Variants in NALCN observed in about 807,000 individuals in gnomAD.
The protein encoded by NALCN is sodium leak channel, non-selective, also known as sodium leak channel NALCN.
NALCN carries 111 observed loss-of-function variants against 225.3 expected under a neutral mutation model. The observed-to-expected ratio is 0.49, with a 90% CI of 0.42 to 0.58. The LOEUF (loss-of-function observed/expected upper bound fraction) is 0.58. Among genes scored for constraint, NALCN ranks in the 20% least tolerant of loss-of-function variants. The pLI is 0.00. For missense variants in NALCN, 1,378 were observed against 2,202.4 expected, an observed-to-expected ratio of 0.63 and a Z score of 7.49; for synonymous variants, 764 against 769.0, an observed-to-expected ratio of 0.99 and a Z score of 0.11.
At chr13:101,103,755 C>A (rs1235877254) in intron 25 of NALCN, among the ~76,000 whole-genome samples, 1 of 152,156 alleles carries the variant, frequency 6.6e-6, no homozygotes, top group African/African-American at 2.4e-5. Context: ...TGATTTCATG[C>A]CTCCTTGGAC....
rs2139318765 is a variant in NALCN, at chr13:101,349,962, A to G, written c.645-4542T>C. On this transcript the variant is annotated intron_variant, in intron 6 of 43. Coordinates refer to ENST00000251127, the MANE Select transcript of NALCN (RefSeq NM_052867.4). Reference sequence around the variant, plus strand: ...GGAGCAAACTTGAAGTCTTAGAATCATGCTTGATACCTACTTCTCCCTCAA... The same window carrying G: ...GGAGCAAACTTGAAGTCTTAGAATCGTGCTTGATACCTACTTCTCCCTCAA... Among the ~76,000 whole-genome samples, 5 of 152,266 alleles carry G rather than the reference A, an allele frequency of 3.3e-5. No homozygotes were observed. In the East Asian group the frequency reaches 9.6e-4, roughly 29 times the overall value.
intron 17 of NALCN, among the ~76,000 whole-genome samples, chr13:101,125,380 T>TAATAAATAACTAG (rs2036183607): frequency 1.3e-5 from 2 of 152,228 alleles, no homozygotes; most frequent in South Asian, 4.1e-4. Flanking sequence ...AGATTCACAA[T>TAATAAATAACTAG]AATAAATAAC....
chr13:101,269,242 T>TATATATATA (rs1566509213), intron 10 of NALCN, among the ~76,000 whole-genome samples: 7 of 142,008 alleles, frequency 4.9e-5, no homozygotes, highest in Admixed American at 1.4e-4. Flanking sequence ...ATATATATAT[T>TATATATATA]TTAGCCTGGT....
intron 7 of NALCN, among the ~76,000 whole-genome samples, chr13:101,294,770 T>G (rs915384861): frequency 1.3e-5 from 2 of 152,212 alleles, no homozygotes; most frequent in South Asian, 4.1e-4. Context: ...ATAATATCTG[T>G]ATGCAGAAGT....
chr13:101,057,748 T>TGTAA lies in NALCN; in HGVS notation c.5023+187_5023+190dup, dbSNP rs564959680. 176 of 607,100 alleles carry TGTAA rather than the reference T, an allele frequency of 2.9e-4. 1 individual carries two copies. Among genetic ancestry groups the TGTAA allele is most frequent in the Non-Finnish European group, 4.7e-4 (160 of 337,900 alleles). 37.6% of individuals were successfully genotyped at this position (607,100 alleles called of 1,614,324 possible). On this transcript the variant is annotated intron_variant, in intron 43 of 43. Coordinates refer to ENST00000251127, the MANE Select transcript of NALCN (RefSeq NM_052867.4). ...AATGTACCCGGAAAATGGGGGCTAA[T>TGTAA]GTAAGTCATATTTAGAGAAGTTATT...
At chr13:101,097,280 A>G (rs73556612) in intron 27 of NALCN, among the ~76,000 whole-genome samples, 7,540 of 152,208 alleles carry the variant, frequency 0.05, 325 homozygotes, top group African/African-American at 0.12. Context: ...CTTTTTTCCT[A>G]TATGTATCTG....
chr13:101,165,630 C>T (rs769983016), intron 15 of NALCN, among the ~76,000 whole-genome samples: 7 of 152,254 alleles, frequency 4.6e-5, no homozygotes, highest in East Asian at 1.9e-4. Context: ...CCACCATGTC[C>T]GGCTAGGCTA....
At chr13:101,171,304 TAATA>T (rs2038703876) in intron 15 of NALCN, among the ~76,000 whole-genome samples, 1 of 148,852 alleles carries the variant, frequency 6.7e-6, no homozygotes, top group Non-Finnish European at 1.5e-5. Context: ...TCTTTATATT[TAATA>T]TATACATATA....
chr13:101,111,614 G>T (rs542978888), intron 18 of NALCN, among the ~76,000 whole-genome samples: 2 of 152,288 alleles, frequency 1.3e-5, no homozygotes, highest in South Asian at 4.1e-4. Context: ...CATGTGTCGT[G>T]GGAGGGACCC....
At chr13:101,171,430 C>T (rs9518322) in intron 15 of NALCN, among the ~76,000 whole-genome samples, 37,514 of 150,940 alleles carry the variant, frequency 0.25, 5,402 homozygotes, top group Non-Finnish European at 0.33. Flanking sequence ...TAGATATACA[C>T]ACACACACAT....
chr13:101,327,429 T>C (rs985712523), intron 7 of NALCN, among the ~76,000 whole-genome samples: 28 of 152,164 alleles, frequency 1.8e-4, no homozygotes, highest in African/African-American at 5.5e-4. Flanking sequence ...TTTTAAGCAA[T>C]TTCTTTAATC....
chr13:101,213,991 C>T (rs938406568), intron 13 of NALCN, among the ~76,000 whole-genome samples: 4 of 152,278 alleles, frequency 2.6e-5, no homozygotes, highest in African/African-American at 9.6e-5. Context: ...GACACATGCA[C>T]ACGTATGTTT....
At chr13:101,390,196 A>G (rs1402858690) in intron 3 of NALCN, among the ~76,000 whole-genome samples, 1 of 152,182 alleles carries the variant, frequency 6.6e-6, no homozygotes, top group Non-Finnish European at 1.5e-5. Flanking sequence ...AGAAATTTAA[A>G]CAAATAGAAG....
rs377249439 is a variant in NALCN at position 101,258,541 on chromosome 13, T to C, written c.1168A>G (p.Ile390Val). Reference sequence around the variant, plus strand: ...ACGTCCACGGTCACCATGCTCAGGATGAACATGTGGAAAACGGATGACCGC... The same window carrying C: ...ACGTCCACGGTCACCATGCTCAGGACGAACATGTGGAAAACGGATGACCGC... ...MMRSSVFHMF[I>V]LSMVTVDVIV... The change falls in exon 11 of 44, where the codon ATC becomes GTC. Residue 390 changes from isoleucine to valine, a missense_variant. Physicochemically the swap from Ile to Val is conservative, Grantham distance 29. Transcript: ENST00000251127. The C allele has an allele frequency of 1.2e-6, 2 of 1,614,142 alleles. No homozygotes were observed. Among genetic ancestry groups the C allele is most frequent in the East Asian group, 4.5e-5 (2 of 44,882 alleles).
At chr13:101,257,659 G>A (rs2042284626) in intron 11 of NALCN, among the ~76,000 whole-genome samples, 1 of 152,060 alleles carries the variant, frequency 6.6e-6, no homozygotes, top group Non-Finnish European at 1.5e-5. Flanking sequence ...AACTGTGTAT[G>A]TATACCTCAC....
intron 15 of NALCN, among the ~76,000 whole-genome samples, chr13:101,166,977 T>A (rs2038470529): frequency 6.6e-6 from 1 of 152,206 alleles, no homozygotes; most frequent in African/African-American, 2.4e-5. Flanking sequence ...AGACTGTCCT[T>A]TCCCCATAGT....
chr13:101,180,793 G>A (rs371569036), intron 14 of NALCN: 101 of 318,476 alleles, frequency 3.2e-4, no homozygotes, highest in African/African-American at 1.9e-3. Flanking sequence ...CAACACTGCC[G>A]ATGCTCCCAA....
intron 13 of NALCN, among the ~76,000 whole-genome samples, chr13:101,197,606 C>G (rs1378715704): frequency 6.6e-6 from 1 of 152,158 alleles, no homozygotes; most frequent in Non-Finnish European, 1.5e-5. Flanking sequence ...GGGTCAATCA[C>G]TGTTAATGCT....
intron 18 of NALCN, among the ~76,000 whole-genome samples, chr13:101,115,492 C>A (rs958082080): frequency 6.6e-6 from 1 of 152,132 alleles, no homozygotes. Flanking sequence ...TGAGTAACTA[C>A]AAAATTTGAG....
Sources: gnomAD v4.1 joint callset for allele counts (sites outside exome capture counted in the v4.1 genomes callset) on GRCh38, gnomAD v4.1.1 for gene constraint, MANE v1.5 for transcripts, NCBI Gene and HGNC (gene_info 2026-07-23, HGNC 2026-07-21) for gene names.